Variants in ENTPD3 observed in about 807,000 individuals in gnomAD.
ENTPD3 encodes the protein ectonucleoside triphosphate diphosphohydrolase 3, also known as CD39 antigen-like 3.
Under a neutral mutation model 51.2 loss-of-function variants are expected in ENTPD3, and 60 were observed. The ratio of observed to expected loss-of-function variants is 1.17; its 90% CI spans 0.95 to 1.45. The LOEUF is 1.45. ENTPD3 is among the 40% of genes most tolerant of loss of function. ENTPD3 has a pLI of 0.00. For synonymous variants in ENTPD3, 221 were observed against 238.4 expected (o/e 0.93, Z 0.67); for missense variants, 593 against 641.1 (o/e 0.93, Z 0.81).
At chr3:40,393,827 G>A (rs1173081100) in intron 3 of ENTPD3, among the ~76,000 whole-genome samples, 2 of 151,790 alleles carry the variant, frequency 1.3e-5, no homozygotes, top group African/African-American at 2.4e-5. Context: ...GGCGGATCAC[G>A]AGGTCAGGAG....
chr3:40,399,663 T>C (rs977069412), intron 3 of ENTPD3: 7 of 152,174 alleles, frequency 4.6e-5, no homozygotes, highest in Admixed American at 3.3e-4. Context: ...TAGGTATGCA[T>C]TGCTAATTCC....
chr3:40,411,308 A>AAAAG (rs1955626168), intron 4 of ENTPD3, among the ~76,000 whole-genome samples: 1 of 148,674 alleles, frequency 6.7e-6, no homozygotes, highest in African/African-American at 2.5e-5. Flanking sequence ...AAAAAAAAGA[A>AAAAG]AAAAAGAAAA....
At chr3:40,396,163 G>C (rs537257719) in intron 3 of ENTPD3, among the ~76,000 whole-genome samples, 1 of 152,160 alleles carries the variant, frequency 6.6e-6, no homozygotes, top group African/African-American at 2.4e-5. Context: ...GAGCTCGGAA[G>C]GTCCATTCTG....
At chr3:40,414,571 C>T in intron 5 of ENTPD3, 110 bp from the exon 6 acceptor site, 1 of 1,207,700 alleles carries the variant, frequency 8.3e-7, no homozygotes, top group Non-Finnish European at 1.2e-6. Context: ...AATCATTCAT[C>T]CCCACCAGCA....
In ENTPD3 at chr3:40,422,978, T is replaced by C. The variant is rs35071108; in HGVS notation, c.960T>C (p.Asn320=). The part of the protein sequence containing the change: ...VDQRPESYNP[N]DVITFEGTGD... ...AGAGGCCAGAAAGTTATAACCCCAA[T>C]GATGTCATCACTTTTGAAGGAACTG... Residue 320 remains asparagine (N), a synonymous_variant, in exon 8 of 11, where the codon AAT becomes AAC. Transcript: ENST00000301825. 2,330 of 1,614,084 alleles carry C rather than the reference T, an allele frequency of 1.4e-3. 15 individuals are homozygous for C. The African/African-American group carries it at 0.019, about 13-fold the overall frequency.
intron 4 of ENTPD3, among the ~76,000 whole-genome samples, chr3:40,402,703 G>T (rs1955393977): frequency 1.3e-5 from 2 of 152,092 alleles, no homozygotes; most frequent in African/African-American, 4.8e-5. Context: ...TTGATGAAAA[G>T]AAGTTCTTGA....
chr3:40,392,456 G>A (rs1955081465), intron 3 of ENTPD3: 1 of 282,740 alleles, frequency 3.5e-6, no homozygotes, highest in Admixed American at 5.2e-5. Flanking sequence ...AGATTTACCA[G>A]TTCAGCCAGG....
In ENTPD3 at chr3:40,392,325, G is replaced by A. The variant is rs181880380; in HGVS notation, c.168+175G>A. The stretch of plus-strand genomic sequence containing the variant: ...GAAGGTCTGGACATGCTGGGTTTGT[G>A]ATATTTGAGGCTACAAATTGAGGGT... On this transcript the variant is annotated intron_variant, in intron 3 of 10. Coordinates refer to ENST00000301825, the MANE Select transcript of ENTPD3 (RefSeq NM_001248.4). The A allele has an allele frequency of 1.4e-4, 95 of 677,346 alleles. 2 individuals carry two copies. In the East Asian group the frequency reaches 2.1e-3, roughly 15 times the overall value. 42.0% of individuals were successfully genotyped at this position (677,346 alleles called of 1,614,324 possible). A position where few individuals can be genotyped will look rare whatever the true frequency, so the allele number is the denominator to read the frequency against.
rs796665156 is a variant in ENTPD3, at chr3:40,424,594, C to CAT, written c.1353+642_1353+643dup. ...ATTTATAGATATCTATAAATACATA[C>CAT]ATATATATATATGATGGTCAAGTGA... On this transcript the variant is annotated intron_variant, in intron 10 of 10. Transcript: ENST00000301825. Among the ~76,000 whole-genome samples the CAT allele has an allele frequency of 2.6e-4, 39 of 151,340 alleles. No homozygotes were observed. The East Asian group carries it at 5.0e-3, about 20-fold the overall frequency.
Position 40,427,459 on chromosome 3 carries a change from G to T in ENTPD3, c.1541G>T (p.Arg514Ile), listed in dbSNP as rs1956007389. The stretch of plus-strand genomic sequence containing the variant: ...GCATACCTGTGTTCAGCAACCAGAA[G>T]AAAGAGGCACTCCGAGCATGCCTTT... Reference protein sequence around the residue: ...FLAYLCSATRRKRHSEHAFDH... With the variant: ...FLAYLCSATRIKRHSEHAFDH... Residue 514 changes from arginine to isoleucine, a missense_variant, in exon 11 of 11, where the codon AGA becomes ATA. Arg to Ile is a moderately conservative substitution (Grantham distance 97, BLOSUM62 -3). Transcript: ENST00000301825. 6.2e-7 allele frequency: 1 copy of T among 1,614,152 alleles called. No homozygotes were observed. Among genetic ancestry groups the T allele is most frequent in the East Asian group, 2.2e-5 (1 of 44,858 alleles).
At chr3:40,427,126 G>C in intron 10 of ENTPD3, 146 bp from the exon 11 acceptor site, 1 of 661,248 alleles carries the variant, frequency 1.5e-6, no homozygotes, top group Non-Finnish European at 2.7e-6. Context: ...CTACAGTGTG[G>C]TGTCTTAACT....
intron 3 of ENTPD3, 68 bp from the exon 4 acceptor site, chr3:40,400,826 G>T: frequency 8.5e-7 from 1 of 1,171,662 alleles, no homozygotes; most frequent in South Asian, 1.3e-5. Flanking sequence ...GTTCTCAGTG[G>T]CCCACTGAGA....
At chr3:40,423,800 C>A (rs1265528913) in intron 9 of ENTPD3, 26 bp from the exon 10 acceptor site, 26 of 1,610,444 alleles carry the variant, frequency 1.6e-5, no homozygotes, top group Non-Finnish European at 2.2e-5. Context: ...GCCTGCCCTG[C>A]CTCTCAGATG....
intron 4 of ENTPD3, among the ~76,000 whole-genome samples, chr3:40,402,687 T>C (rs1398487827): frequency 6.6e-6 from 1 of 152,336 alleles, no homozygotes; most frequent in East Asian, 1.9e-4. Flanking sequence ...TTCTTTGCGA[T>C]GTGTCTTGAT....
chr3:40,388,601 C>G (rs866011247), intron 2 of ENTPD3, among the ~76,000 whole-genome samples: 106 of 150,262 alleles, frequency 7.1e-4, no homozygotes, highest in African/African-American at 2.4e-3. Context: ...CACACACACA[C>G]ACACACACAC....
At chr3:40,406,698 C>T (rs1368235558) in intron 4 of ENTPD3, among the ~76,000 whole-genome samples, 1 of 152,092 alleles carries the variant, frequency 6.6e-6, no homozygotes, top group African/African-American at 2.4e-5. Context: ...ATGACTGGGT[C>T]CGTGGTGCTA....
chr3:40,416,570 C>A (rs1955751889), intron 7 of ENTPD3, among the ~76,000 whole-genome samples: 1 of 152,180 alleles, frequency 6.6e-6, no homozygotes, highest in African/African-American at 2.4e-5. Context: ...TTAGAGCAAC[C>A]ACATTCCATC....
intron 1 of ENTPD3, among the ~76,000 whole-genome samples, chr3:40,387,608 A>T (rs897985880): frequency 3.3e-5 from 5 of 152,126 alleles, no homozygotes; most frequent in African/African-American, 9.7e-5. Context: ...GCCAGCAGCT[A>T]AAGACTCCCT....
chr3:40,421,050 G>C (rs1003353616), intron 7 of ENTPD3, among the ~76,000 whole-genome samples: 9 of 148,790 alleles, frequency 6.0e-5, no homozygotes, highest in African/African-American at 2.2e-4. Context: ...TTGAGACGGA[G>C]TCTTGCTTTG....
Sources: gnomAD v4.1 joint callset for allele counts (sites outside exome capture counted in the v4.1 genomes callset) on GRCh38, gnomAD v4.1.1 for gene constraint, MANE v1.5 for transcripts, NCBI Gene and HGNC (gene_info 2026-07-23, HGNC 2026-07-21) for gene names.